The following SCOC variants were observed in gnomAD, a reference collection of about 807,000 sequenced individuals.
The protein encoded by SCOC is short coiled coil protein.
Under a neutral mutation model 9.9 loss-of-function variants are expected in SCOC, and 7 were observed. That is an observed-to-expected ratio of 0.71 (90% CI 0.40 to 1.33). The LOEUF (loss-of-function observed/expected upper bound fraction) is 1.33, where lower values mean the gene tolerates loss of function less well. Ranked by LOEUF, SCOC falls within the 40% of genes most tolerant of loss-of-function variation. The probability of loss-of-function intolerance (pLI) is 0.01; values close to 1 mark genes in which losing one functional copy is unlikely to be tolerated. For missense variants in SCOC, 66 were observed against 89.7 expected (o/e 0.74, Z 1.07); for synonymous variants, 19 against 28.2 (o/e 0.67, Z 1.03).
At chr4:140,266,343 T>C (rs1730728051) in intron 1 of SCOC, among the ~76,000 whole-genome samples, 1 of 152,174 alleles carries the variant, frequency 6.6e-6, no homozygotes, top group Admixed American at 6.5e-5. Context: ...AATTTATTTC[T>C]TACAGACCTG....
chr4:140,315,545 T>A (rs935475898), intron 1 of SCOC, among the ~76,000 whole-genome samples: 5 of 152,194 alleles, frequency 3.3e-5, no homozygotes, highest in African/African-American at 1.2e-4. Context: ...CTCATCCAAT[T>A]TCTTGACAGG....
chr4:140,332,389 T>TG (rs1732844129), intron 1 of SCOC, among the ~76,000 whole-genome samples: 1 of 97,116 alleles, frequency 1.0e-5, no homozygotes, highest in African/African-American at 3.5e-5. Context: ...TTTTTTTTTT[T>TG]GAGACGGAGT....
intron 1 of SCOC, chr4:140,293,226 C>T (rs1232353973): frequency 2.3e-6 from 1 of 441,286 alleles, no homozygotes; most frequent in South Asian, 1.6e-5. Flanking sequence ...ACTGGGCTGC[C>T]ACTAGGTGCC....
upstream of SCOC, among the ~76,000 whole-genome samples, chr4:140,370,184 T>C (rs1727991793): frequency 6.6e-6 from 1 of 152,212 alleles, no homozygotes; most frequent in Non-Finnish European, 1.5e-5. Context: ...AATATCTTTC[T>C]GTTACTGATT....
chr4:140,263,532 C>T (rs1730674500), intron 1 of SCOC, among the ~76,000 whole-genome samples: 1 of 152,076 alleles, frequency 6.6e-6, no homozygotes, highest in African/African-American at 2.4e-5. Context: ...TGAGATGACA[C>T]CGGGAGTGAA....
chr4:140,269,812 G>T (rs975331557), intron 1 of SCOC, among the ~76,000 whole-genome samples: 2 of 151,598 alleles, frequency 1.3e-5, no homozygotes, highest in African/African-American at 4.9e-5. Context: ...GTGCAGTGGC[G>T]CCATCATAAC....
chr4:140,326,519 C>A (rs1043035537), intron 1 of SCOC, among the ~76,000 whole-genome samples: 20 of 152,122 alleles, frequency 1.3e-4, no homozygotes, highest in African/African-American at 4.1e-4. Flanking sequence ...TTTATAATTT[C>A]TTCACTTGTG....
intron 2 of SCOC, among the ~76,000 whole-genome samples, chr4:140,362,301 T>TCTTCTTCTTCTTCTTCTTCTTCTTCTTCC: frequency 3.4e-5 from 1 of 29,410 alleles, no homozygotes; most frequent in Non-Finnish European, 7.4e-5. Context: ...TTCTTCTTCT[T>TCTTCTTCTTCTTCTTCTTCTTCTTCTTCC]TTTTTTTTTT....
intron 1 of SCOC, among the ~76,000 whole-genome samples, chr4:140,329,894 GA>G (rs1328528037): frequency 6.6e-6 from 1 of 152,164 alleles, no homozygotes; most frequent in Non-Finnish European, 1.5e-5. Flanking sequence ...AAACAGTGTG[GA>G]GTTTCCTTAA....
At chr4:140,286,170 C>T (rs970516411) in intron 1 of SCOC, among the ~76,000 whole-genome samples, 7 of 149,492 alleles carry the variant, frequency 4.7e-5, no homozygotes, top group African/African-American at 1.5e-4. Flanking sequence ...GGTGACAGAG[C>T]GAGACTCCAT....
chr4:140,353,551 T>C (rs1727075299), intron 2 of SCOC, among the ~76,000 whole-genome samples: 2 of 152,064 alleles, frequency 1.3e-5, no homozygotes, highest in South Asian at 4.1e-4. Context: ...GCTGGGATTA[T>C]GGGTGCACGC....
chr4:140,348,575 T>TATACACACAC (rs1553939621), intron 2 of SCOC, among the ~76,000 whole-genome samples: 3 of 150,980 alleles, frequency 2.0e-5, no homozygotes, highest in Non-Finnish European at 1.5e-5. Flanking sequence ...TGTATATATA[T>TATACACACAC]ACGCACACAC....
At chr4:140,298,384 G>T (rs1216758863) in intron 1 of SCOC, among the ~76,000 whole-genome samples, 1 of 152,234 alleles carries the variant, frequency 6.6e-6, no homozygotes, top group Admixed American at 6.5e-5. Context: ...TCATACCAGT[G>T]CCTCACACTA....
chr4:140,374,786 G>A (rs923892686), intron 1 of SCOC, among the ~76,000 whole-genome samples: 1 of 152,152 alleles, frequency 6.6e-6, no homozygotes. Context: ...TTAGACCTGG[G>A]TTCAAATTCT....
chr4:140,300,937 T>C (rs1429456100), intron 1 of SCOC, among the ~76,000 whole-genome samples: 1 of 152,206 alleles, frequency 6.6e-6, no homozygotes, highest in African/African-American at 2.4e-5. Flanking sequence ...TTGATATCCA[T>C]GGATCAAGTG....
chr4:140,347,736 T>A (rs1726798941), intron 2 of SCOC, among the ~76,000 whole-genome samples: 1 of 152,222 alleles, frequency 6.6e-6, no homozygotes, highest in African/African-American at 2.4e-5. Flanking sequence ...TGGTATATCA[T>A]AATTTTTTTC....
chr4:140,373,507 A>T (rs1163548762), upstream of SCOC: 1 of 1,551,538 alleles, frequency 6.4e-7, no homozygotes, highest in Non-Finnish European at 8.7e-7. Context: ...GTGCTTTGAG[A>T]TTGGACGACT....
At chr4:140,262,814 G>GGA (rs140878600) in intron 1 of SCOC, among the ~76,000 whole-genome samples, 17,927 of 149,672 alleles carry the variant, frequency 0.12, 2,798 homozygotes, top group African/African-American at 0.37. Flanking sequence ...CATGGCAGCA[G>GGA]GAGAGAGAGA....
At chr4:140,379,931 C>T (rs942912365) in intron 3 of SCOC, among the ~76,000 whole-genome samples, 16 of 152,084 alleles carry the variant, frequency 1.1e-4, no homozygotes, top group East Asian at 3.8e-4. Context: ...TTACTAAGTC[C>T]GCTTTAATAA....
Sources: allele counts gnomAD v4.1 joint callset (sites outside exome capture counted in the v4.1 genomes callset), GRCh38; gene constraint gnomAD v4.1.1; transcripts MANE v1.5; gene names NCBI Gene and HGNC (gene_info 2026-07-23, HGNC 2026-07-21).